PINX1: variants seen among roughly 807,000 people sequenced by gnomAD.
PINX1 encodes PIN2/TERF1-interacting telomerase inhibitor 1.
A neutral mutation model predicts 25.4 loss-of-function variants in PINX1; 34 were observed. The observed-to-expected ratio is 1.34, with a 90% CI of 1.02 to 1.78. PINX1 has a LOEUF of 1.78. PINX1 is among the 40% of genes most tolerant of loss of function. PINX1 has a pLI of 0.00. For missense variants in PINX1, 592 were observed against 404.9 expected, an observed-to-expected ratio of 1.46 and a Z score of -3.97; for synonymous variants, 197 against 147.7, an observed-to-expected ratio of 1.33 and a Z score of -2.42.
At chr8:10,836,272 G>C (rs958230765) in intron 1 of PINX1, among the ~76,000 whole-genome samples, 1 of 152,106 alleles carries the variant, frequency 6.6e-6, no homozygotes, top group Non-Finnish European at 1.5e-5. Flanking sequence ...GCTCGAATTT[G>C]TAGTGTTTTG....
intron 6 of PINX1, among the ~76,000 whole-genome samples, chr8:10,789,533 C>T (rs1008216210): frequency 1.3e-5 from 2 of 152,200 alleles, no homozygotes; most frequent in African/African-American, 4.8e-5. Context: ...AGAACTTACT[C>T]ATCTTAGCCT....
At chr8:10,786,883 C>T (rs534831477) in intron 6 of PINX1, among the ~76,000 whole-genome samples, 2 of 152,176 alleles carry the variant, frequency 1.3e-5, no homozygotes, top group Non-Finnish European at 2.9e-5. Flanking sequence ...AGATTGCACC[C>T]CACTGTGGAC....
chr8:10,791,726 TAG>T (rs1046405404), intron 6 of PINX1, among the ~76,000 whole-genome samples: 4 of 152,184 alleles, frequency 2.6e-5, no homozygotes, highest in African/African-American at 7.2e-5. Context: ...CCTGGCTTTC[TAG>T]AGAGAGTCTG....
chr8:10,766,088 C>A (rs1448148434), intron 6 of PINX1, among the ~76,000 whole-genome samples, 172 bp from the exon 7 acceptor site: 1 of 152,172 alleles, frequency 6.6e-6, no homozygotes, highest in Non-Finnish European at 1.5e-5. Flanking sequence ...CTCCCTTTGG[C>A]CTCTCTCCCT....
intron 5 of PINX1, among the ~76,000 whole-genome samples, chr8:10,823,295 CA>C (rs36080074): frequency 0.62 from 93,471 of 151,928 alleles, 29,573 homozygotes; most frequent in African/African-American, 0.74. Flanking sequence ...CCCAAACTCT[CA>C]AAAGGATTAA....
chr8:10,820,075 C>T, intron 6 of PINX1, 118 bp downstream of exon 6: 1 of 708,704 alleles, frequency 1.4e-6, no homozygotes, highest in Non-Finnish European at 2.6e-6. Context: ...ATGAAGCCTC[C>T]AAAGTGTTTT....
rs1586119436 is a variant in PINX1, at chr8:10,765,479, T to A, written c.909A>T (p.Gln303His). Residue 303 changes from glutamine to histidine, a missense_variant, in exon 7 of 7, where the codon CAA becomes CAT. Physicochemically the swap from Gln to His is conservative, Grantham distance 24 (BLOSUM62 0). Transcript: ENST00000314787. Reference protein sequence around the residue: ...PKKRRGKKKLQKPVEIAEDAT... With the variant: ...PKKRRGKKKLHKPVEIAEDAT... ...CGTCCTCTGCTATCTCTACTGGTTT[T>A]TGCAGCTTTTTCTTCCCTCTCCTCT... 1 of 1,613,528 alleles carries A rather than the reference T, an allele frequency of 6.2e-7. No homozygotes were observed. The highest frequency in any genetic ancestry group is 2.2e-5 in the East Asian group (1 of 44,884).
At chr8:10,831,772 G>A (rs768839786) in intron 3 of PINX1, 29 bp from the exon 4 acceptor site, 44 of 1,356,678 alleles carry the variant, frequency 3.2e-5, no homozygotes, top group Non-Finnish European at 4.5e-5. Context: ...TGAACGAGAG[G>A]TAAGCCTGTA....
chr8:10,819,241 G>A (rs1797792776), intron 6 of PINX1, among the ~76,000 whole-genome samples: 1 of 152,142 alleles, frequency 6.6e-6, no homozygotes. Context: ...GGTAATTCTG[G>A]ACTCCCTAAA....
intron 4 of PINX1, among the ~76,000 whole-genome samples, chr8:10,829,377 C>T (rs530502340): frequency 2.0e-5 from 3 of 151,516 alleles, no homozygotes; most frequent in East Asian, 1.9e-4. Context: ...TGGCCTTAAT[C>T]GTGGTTTATG....
chr8:10,830,507 G>C (rs1222902610), intron 4 of PINX1, among the ~76,000 whole-genome samples: 1 of 152,140 alleles, frequency 6.6e-6, no homozygotes, highest in Non-Finnish European at 1.5e-5. Context: ...CTGAACTCAA[G>C]TCTAATTCAT....
At chr8:10,834,879 A>T in intron 1 of PINX1, 104 bp from the exon 2 acceptor site, 4 of 720,202 alleles carry the variant, frequency 5.6e-6, no homozygotes, top group Non-Finnish European at 9.4e-6. Flanking sequence ...ATGTATGTAA[A>T]ATATGACATA....
At chr8:10,812,860 G>A (rs984807698) in intron 6 of PINX1, among the ~76,000 whole-genome samples, 3 of 152,154 alleles carry the variant, frequency 2.0e-5, no homozygotes, top group African/African-American at 4.8e-5. Context: ...GGACAGGTGC[G>A]ACCAGACACA....
At chr8:10,833,940 C>T (rs1798312092) in intron 2 of PINX1, among the ~76,000 whole-genome samples, 1 of 152,106 alleles carries the variant, frequency 6.6e-6, no homozygotes, top group Non-Finnish European at 1.5e-5. Context: ...CCTTGAAATG[C>T]TTACTCAAGT....
At chr8:10,791,982 T>C (rs1427981003) in intron 6 of PINX1, among the ~76,000 whole-genome samples, 1 of 152,142 alleles carries the variant, frequency 6.6e-6, no homozygotes, top group Non-Finnish European at 1.5e-5. Context: ...CACCTGGCAG[T>C]GATGAGACTC....
rs1798033394 is a variant in PINX1 at position 10,826,208 on chromosome 8, A to C, written c.338T>G (p.Leu113Arg). 2 of 1,596,410 alleles carry C rather than the reference A, an allele frequency of 1.3e-6. No individual in the cohort carries two copies. The highest frequency in any genetic ancestry group is 1.3e-5 in the African/African-American group (1 of 74,612). Residue 113 changes from leucine (L) to arginine (R), a missense_variant, in exon 5 of 7, where the codon CTT becomes CGT. Transcript: ENST00000314787. ...TTTGGAGATTTTGGACTTTTCCTCA[A>C]GGCTAAAAGATTTCTTTTCCTTCTT... ...SDKKEKKSFS[L>R]EEKSKISKNR...
At chr8:10,807,982 T>G (rs1300399908) in intron 6 of PINX1, among the ~76,000 whole-genome samples, 1 of 152,102 alleles carries the variant, frequency 6.6e-6, no homozygotes, top group African/African-American at 2.4e-5. Context: ...AGTTTTATAT[T>G]AAGAGGCTAC....
At chr8:10,835,013 G>C (rs1327640260) in intron 1 of PINX1, among the ~76,000 whole-genome samples, 1 of 152,158 alleles carries the variant, frequency 6.6e-6, no homozygotes, top group Non-Finnish European at 1.5e-5. Context: ...AAACTGAAAT[G>C]TTCCCTCATA....
chr8:10,777,915 CCTCT>C lies in PINX1; in HGVS notation c.472-12003_472-12000del, dbSNP rs559738412. Among the ~76,000 whole-genome samples, 4 of 152,270 alleles carry C rather than the reference CCTCT, an allele frequency of 2.6e-5. No homozygotes were observed. In the South Asian group the frequency reaches 8.3e-4, roughly 32 times the overall value. ...CGGGTGCCTTCCACAGGCACGCAAG[CCTCT>C]ATCTGCACACCCAGCAATCTCCTGG... is the stretch of plus-strand genomic sequence containing the variant. On this transcript the variant is annotated intron_variant, in intron 6 of 6. Transcript: ENST00000314787.
Sources: gnomAD v4.1 joint callset for allele counts (sites outside exome capture counted in the v4.1 genomes callset) on GRCh38, gnomAD v4.1.1 for gene constraint, MANE v1.5 for transcripts, NCBI Gene and HGNC (gene_info 2026-07-23, HGNC 2026-07-21) for gene names.